Variants in CARNS1 observed in about 807,000 individuals in gnomAD.
CARNS1 encodes the protein ATP-grasp domain containing 1.
CARNS1 carries 61 observed loss-of-function variants against 74.0 expected under a neutral mutation model. The ratio of observed to expected loss-of-function variants is 0.82; its 90% CI spans 0.67 to 1.02. CARNS1 has a LOEUF of 1.02. Ranked by LOEUF, CARNS1 falls within the 50% of genes least tolerant of loss-of-function variation. The pLI, the probability that CARNS1 is intolerant of heterozygous loss-of-function variation, is 0.00. For missense variants in CARNS1, 1,278 were observed against 1,308.4 expected (o/e 0.98, Z 0.36); for synonymous variants, 568 against 605.5 (o/e 0.94, Z 0.91).
Position 67,423,612 on chromosome 11 carries a change from C to T in CARNS1, c.1864C>T (p.Arg622Cys), listed in dbSNP as rs756772834. 6.9e-5 allele frequency: 111 copies of T among 1,609,460 alleles called. 1 individual carries two copies. Among genetic ancestry groups the T allele is most frequent in the South Asian group, 6.2e-4 (56 of 90,396 alleles). ...GLPCSSPAAM[R>C]LAKQKSLTQL... The stretch of plus-strand genomic sequence containing the variant: ...GCCCTGCAGCTCCCCAGCTGCCATG[C>T]GCCTGGCTAAGCAGAAGAGCCTCAC... The change falls in exon 10 of 10, where the codon CGC (arginine) becomes TGC (cysteine). Residue 622 changes from arginine to cysteine, a missense_variant. Coordinates refer to ENST00000687366, the MANE Select transcript of CARNS1 (RefSeq NM_001166222.2). This position sits in a 1 kb window ranked among gnomAD's most constrained non-coding sequence, Gnocchi z 5.1.
At chr11:67,418,720 C>A in intron 4 of CARNS1, 36 bp from the exon 5 acceptor site, 1 of 1,528,748 alleles carries the variant, frequency 6.5e-7, no homozygotes, top group South Asian at 1.3e-5. Context: ...GGCATCAAGC[C>A]TTCCCTGGCC....
At position 67,420,707 on chromosome 11, in the gene CARNS1, G is replaced by C; in HGVS notation, c.1212G>C (p.Glu404Asp). 1 of 1,267,124 alleles carries C rather than the reference G, an allele frequency of 7.9e-7. No homozygotes were observed. Among genetic ancestry groups the C allele is most frequent in the Non-Finnish European group, 9.9e-7 (1 of 1,009,650 alleles). The allele number at this position is 1,267,124 out of a possible 1,614,324, so 78.5% of individuals were successfully genotyped here. ...EVALAQCGLG[E>D]EAQVAAVRQR... Reference sequence around the variant, plus strand: ...CGCTGGCCCAGTGCGGCCTGGGCGAGGAGGCGCAGGTGGCGGCTGTGCGGC... The same window carrying C: ...CGCTGGCCCAGTGCGGCCTGGGCGACGAGGCGCAGGTGGCGGCTGTGCGGC... Residue 404 changes from glutamate to aspartate, a missense_variant, in exon 8 of 10, where the codon GAG becomes GAC. Physicochemically the swap from Glu to Asp is conservative, Grantham distance 45. This residue lies in a region of CARNS1 where 1,164 missense variants were observed against 1,156.5 expected (regional missense o/e 1.01). Coordinates refer to ENST00000687366, the MANE Select transcript of CARNS1 (RefSeq NM_001166222.2).
At chr11:67,415,969 T>G in intron 1 of CARNS1, 1 of 522,240 alleles carries the variant, frequency 1.9e-6, no homozygotes, top group Middle Eastern at 5.1e-4. Flanking sequence ...GAAGGACCTG[T>G]GAGCCGCACT....
chr11:67,416,718 A>G, intron 2 of CARNS1: 1 of 986,438 alleles, frequency 1.0e-6, no homozygotes, highest in Non-Finnish European at 1.2e-6. Context: ...CAAGAATTCC[A>G]TTCACACGAA....
chr11:67,420,927 C>G lies in CARNS1; in HGVS notation c.1346-12C>G. On this transcript the variant is annotated splice_polypyrimidine_tract_variant and intron_variant, in intron 8 of 9. Coordinates refer to ENST00000687366, the MANE Select transcript of CARNS1 (RefSeq NM_001166222.2). ...CTGCCGTAGCTGAGCTCGCGCCTCCCGCCCGGCGCAGGCGTGGATTTCGCG... is the reference window on the plus strand; with the variant it reads ...CTGCCGTAGCTGAGCTCGCGCCTCCGGCCCGGCGCAGGCGTGGATTTCGCG... The G allele has an allele frequency of 7.3e-7, 1 of 1,376,134 alleles. No individual in the cohort carries two copies. The highest frequency in any genetic ancestry group is 2.7e-4 in the Middle Eastern group (1 of 3,722). The allele number at this position is 1,376,134 out of a possible 1,614,324, so 85.2% of individuals were successfully genotyped here. A position where few individuals can be genotyped will look rare whatever the true frequency, so the allele number is the denominator to read the frequency against.
chr11:67,421,280 C>T, intron 9 of CARNS1, 61 bp downstream of exon 9: 1 of 1,374,002 alleles, frequency 7.3e-7, no homozygotes, highest in Non-Finnish European at 9.4e-7. Flanking sequence ...GGAGGCGGGA[C>T]CCCGGGGCGG....
In CARNS1 at chr11:67,424,189, A is replaced by G. The variant is rs1368483135; in HGVS notation, c.2441A>G (p.Asn814Ser). The G allele has an allele frequency of 5.0e-6, 8 of 1,613,672 alleles. No homozygotes were observed. The highest frequency in any genetic ancestry group is 1.1e-5 in the South Asian group (1 of 91,078). ...GCTGGGCCTCGGCTTATCGAGATCA[A>G]CCCCCGCATGGGTGGCTTCTACCTG... Reference protein sequence around the residue: ...TGAGPRLIEINPRMGGFYLRD... With the variant: ...TGAGPRLIEISPRMGGFYLRD... The change falls in exon 10 of 10, where the codon AAC becomes AGC. Residue 814 changes from asparagine (N) to serine (S), a missense_variant. Transcript: ENST00000687366.
intron 2 of CARNS1, chr11:67,416,658 G>C: frequency 1.1e-5 from 11 of 993,990 alleles, no homozygotes; most frequent in Non-Finnish European, 1.3e-5. Flanking sequence ...CTGTCCCCTG[G>C]AGGACAGACT....
At position 67,425,295 on chromosome 11, in the gene CARNS1, G is replaced by A; in HGVS notation, c.*694G>A. 1 of 348,708 alleles carries A rather than the reference G, an allele frequency of 2.9e-6. No individual in the cohort carries two copies. The highest frequency in any genetic ancestry group is 5.7e-6 in the Non-Finnish European group (1 of 176,114). The allele number at this position is 348,708 out of a possible 1,614,324, so 21.6% of individuals were successfully genotyped here. On this transcript the variant is annotated 3_prime_UTR_variant, in exon 10 of 10. Coordinates refer to ENST00000687366, the MANE Select transcript of CARNS1 (RefSeq NM_001166222.2). ...TGGAGAGCGGGTCACAGGACATGAT[G>A]CAGGGTCCAGGTTTCTGTTTTGATC...
At chr11:67,420,221 C>T (rs1054225106) in intron 7 of CARNS1, among the ~76,000 whole-genome samples, 1 of 152,184 alleles carries the variant, frequency 6.6e-6, no homozygotes, top group Non-Finnish European at 1.5e-5. Context: ...CTTACGGACC[C>T]TCCTGAGTAC....
At chr11:67,421,364 C>A in intron 9 of CARNS1, 145 bp downstream of exon 9, 1 of 987,436 alleles carries the variant, frequency 1.0e-6, no homozygotes. Flanking sequence ...GGCATCCTGG[C>A]CAGGTACAAG....
Position 67,419,743 on chromosome 11 carries a change from C to G in CARNS1, c.1028-10C>G, listed in dbSNP as rs751362518. ...CTGTGCTGGCCTTAGACCTCCCCGTCTTCCCCCAGATGGTCCTTCACCCGG... is the reference window on the plus strand; with the variant it reads ...CTGTGCTGGCCTTAGACCTCCCCGTGTTCCCCCAGATGGTCCTTCACCCGG... On this transcript the variant is annotated splice_polypyrimidine_tract_variant and intron_variant, in intron 6 of 9. Transcript: ENST00000687366. 1.9e-6 allele frequency: 3 copies of G among 1,601,598 alleles called. No individual in the cohort carries two copies. The highest frequency in any genetic ancestry group is 2.6e-6 in the Non-Finnish European group (3 of 1,174,636).
At position 67,417,864 on chromosome 11, in the gene CARNS1, T is replaced by A. The variant is rs2065743857; in HGVS notation, c.274+187T>A. ...TGTTTGCAAGGGCATCTGGCACCAG[T>A]GAGGTCAAGGATTGGGCTCCCTGCC... On this transcript the variant is annotated intron_variant, in intron 3 of 9. Coordinates refer to ENST00000687366, the MANE Select transcript of CARNS1 (RefSeq NM_001166222.2). Among the ~76,000 whole-genome samples, 4 of 152,136 alleles carry A rather than the reference T, an allele frequency of 2.6e-5. No homozygotes were observed. In the South Asian group the frequency reaches 8.3e-4, roughly 32 times the overall value.
In CARNS1 at chr11:67,419,598, C is replaced by G; in HGVS notation, c.964C>G (p.Leu322Val). 1 of 1,604,958 alleles carries G rather than the reference C, an allele frequency of 6.2e-7. No individual in the cohort carries two copies. The highest frequency in any genetic ancestry group is 1.3e-5 in the African/African-American group (1 of 74,948). The change falls in exon 6 of 10, where the codon CTG (leucine) becomes GTG (valine). Residue 322 changes from leucine (L) to valine (V), a missense_variant. This residue lies in a region of CARNS1 where 1,164 missense variants were observed against 1,156.5 expected (regional missense o/e 1.01). Transcript: ENST00000687366. ...VDTVLALLEK[L>V]EEEESVLVEA... The stretch of plus-strand genomic sequence containing the variant: ...CACAGTGCTGGCGCTGCTGGAGAAG[C>G]TGGAGGAGGAGGAGAGTGTCCTGGT...
chr11:67,420,675 GA>G lies in CARNS1; in HGVS notation c.1181del (p.Glu394GlyfsTer40). The G allele has an allele frequency of 7.9e-7, 1 of 1,262,236 alleles. No individual in the cohort carries two copies. 78.2% of individuals were successfully genotyped at this position (1,262,236 alleles called of 1,614,324 possible). ...CCACAACTCCCTGCCGAGGACGCTG[GA>G]GGTGGCGCTGGCCCAGTGCGGCCTG... ...RHHNSLPRTL[E>X]VALAQCGLGE... is the part of the protein sequence containing the mutation. On this transcript the variant is annotated frameshift_variant, in exon 8 of 10. Coordinates refer to ENST00000687366, the MANE Select transcript of CARNS1 (RefSeq NM_001166222.2). LOFTEE classifies it high-confidence loss of function.
Position 67,420,800 on chromosome 11 carries a change from C to T in CARNS1, c.1305C>T (p.Ala435=), listed in dbSNP as rs969639762. The part of the protein sequence containing the change: ...AVLALEAGLS[A]EQRGGRRAHT... ...TGGCTCTGGAGGCCGGCCTGAGTGC[C>T]GAGCAGCGCGGCGGGCGCCGGGCGC... is the stretch of plus-strand genomic sequence containing the variant. The change falls in exon 8 of 10, where the codon GCC becomes GCT. Residue 435 remains alanine (A), a synonymous_variant. Transcript: ENST00000687366. 8.1e-7 allele frequency: 1 copy of T among 1,229,290 alleles called. No individual in the cohort carries two copies. Among genetic ancestry groups the T allele is most frequent in the East Asian group, 3.3e-5 (1 of 30,114 alleles). The allele number at this position is 1,229,290 out of a possible 1,614,324, so 76.1% of individuals were successfully genotyped here.
At position 67,418,877 on chromosome 11, in the gene CARNS1, C is replaced by A. The variant is rs866707525; in HGVS notation, c.486C>A (p.Phe162Leu). Residue 162 changes from phenylalanine to leucine, a missense_variant, in exon 5 of 10, where the codon TTC becomes TTA. Phe to Leu is a conservative substitution (Grantham distance 22). This residue lies in a region of CARNS1 where 1,164 missense variants were observed against 1,156.5 expected (regional missense o/e 1.01). Coordinates refer to ENST00000687366, the MANE Select transcript of CARNS1 (RefSeq NM_001166222.2). ...AVSFHPGGLT[F>L]LDDFVPPRRA... ...GCTTCCACCCTGGGGGCCTGACATT[C>A]CTGGATGACTTTGTCCCCCCGCGCC... 6.2e-7 allele frequency: 1 copy of A among 1,601,144 alleles called. No individual in the cohort carries two copies. Among genetic ancestry groups the A allele is most frequent in the East Asian group, 2.3e-5 (1 of 44,276 alleles).
At chr11:67,416,234 C>T in intron 2 of CARNS1, 32 bp downstream of exon 2, 1 of 1,537,084 alleles carries the variant, frequency 6.5e-7, no homozygotes, top group Non-Finnish European at 8.7e-7. Context: ...CCCCACAAGG[C>T]CCAAGTCCCT....
Position 67,420,896 on chromosome 11 carries a change from C to A in CARNS1, c.1346-43C>A, listed in dbSNP as rs890904379. On this transcript the variant is annotated intron_variant, in intron 8 of 9. Coordinates refer to ENST00000687366, the MANE Select transcript of CARNS1 (RefSeq NM_001166222.2). ...GAGCCGAGGGCCAGGGGCTGGAGGG[C>A]GGTGGCTGCCGTAGCTGAGCTCGCG... The A allele has an allele frequency of 4.1e-5, 55 of 1,331,964 alleles. No homozygotes were observed. The African/African-American group carries it at 8.2e-4, about 20-fold the overall frequency. 82.5% of individuals were successfully genotyped at this position (1,331,964 alleles called of 1,614,324 possible).
Sources: allele counts gnomAD v4.1 joint callset (sites outside exome capture counted in the v4.1 genomes callset), GRCh38; gene constraint gnomAD v4.1.1; regional missense constraint gnomAD v4.1.1; non-coding constraint Gnocchi (gnomAD v3.1); transcripts MANE v1.5; gene names NCBI Gene and HGNC (gene_info 2026-07-23, HGNC 2026-07-21).